The following IQGAP2 variants were observed in gnomAD, a reference collection of about 807,000 sequenced individuals.
IQGAP2 encodes the protein ras GTPase-activating-like protein IQGAP2.
A neutral mutation model predicts 201.3 loss-of-function variants in IQGAP2; 173 were observed. That is an observed-to-expected ratio of 0.86 (90% CI 0.76 to 0.98). The LOEUF (loss-of-function observed/expected upper bound fraction) is 0.98. Among genes scored for constraint, IQGAP2 ranks in the 50% least tolerant of loss-of-function variants. The pLI is 0.00. For missense variants in IQGAP2, 1,687 were observed against 1,864.8 expected (o/e 0.90, Z 1.76); for synonymous variants, 675 against 673.9 (o/e 1.00, Z -0.03).
At chr5:76,580,317 A>G (rs564494796) in intron 5 of IQGAP2, among the ~76,000 whole-genome samples, 18 of 151,778 alleles carry the variant, frequency 1.2e-4, no homozygotes, top group Admixed American at 7.9e-4. Context: ...ACACGCCTGT[A>G]GTCCCAGCTA....
chr5:76,614,008 G>C (rs1433863457), intron 13 of IQGAP2, among the ~76,000 whole-genome samples: 11 of 152,108 alleles, frequency 7.2e-5, no homozygotes, highest in Non-Finnish European at 1.5e-5. Context: ...GTTCTTACTA[G>C]ACGTAGAGTC....
In IQGAP2 at chr5:76,403,513, C is replaced by A; in HGVS notation, c.-33C>A. The A allele has an allele frequency of 1.4e-6, 2 of 1,449,100 alleles. No homozygotes were observed. The highest frequency in any genetic ancestry group is 1.4e-5 in the South Asian group (1 of 73,936). The allele number at this position is 1,449,100 out of a possible 1,614,324, so 89.8% of individuals were successfully genotyped here. On this transcript the variant is annotated 5_prime_UTR_variant, in exon 1 of 36. Transcript: ENST00000274364. This position sits in a 1 kb window ranked among gnomAD's most constrained non-coding sequence, Gnocchi z 4.8. ...GGCCAGCGAGGGTAGCCGCGGGGGGCGCGCCCCGGGCGGGCCCCCGGAGAC... is the reference window on the plus strand; with the variant it reads ...GGCCAGCGAGGGTAGCCGCGGGGGGAGCGCCCCGGGCGGGCCCCCGGAGAC...
At chr5:76,550,921 G>A (rs1421375861) in intron 2 of IQGAP2, among the ~76,000 whole-genome samples, 3 of 151,528 alleles carry the variant, frequency 2.0e-5, no homozygotes, top group Non-Finnish European at 2.9e-5. Flanking sequence ...CTTCCCACAC[G>A]GGGCGGCCAG....
chr5:76,687,930 A>G (rs760954471), intron 30 of IQGAP2, among the ~76,000 whole-genome samples: 1 of 152,158 alleles, frequency 6.6e-6, no homozygotes, highest in Non-Finnish European at 1.5e-5. Context: ...TCTTCCCGAA[A>G]CCATCCCCCA....
At chr5:76,591,897 G>A (rs1580539479) in intron 8 of IQGAP2, among the ~76,000 whole-genome samples, 1 of 152,070 alleles carries the variant, frequency 6.6e-6, no homozygotes, top group Non-Finnish European at 1.5e-5. Flanking sequence ...GACTTCCCTG[G>A]TTCAGAATGA....
chr5:76,523,843 A>G (rs948893161), intron 2 of IQGAP2, among the ~76,000 whole-genome samples: 1 of 152,166 alleles, frequency 6.6e-6, no homozygotes, highest in African/African-American at 2.4e-5. Flanking sequence ...TCAGGATTTT[A>G]GAGAGTTATT....
At chr5:76,703,435 C>T (rs1019401622) in intron 35 of IQGAP2, among the ~76,000 whole-genome samples, 1 of 152,114 alleles carries the variant, frequency 6.6e-6, no homozygotes, top group Non-Finnish European at 1.5e-5. Flanking sequence ...GGATTACAGG[C>T]ATTAGCCACC....
chr5:76,597,718 CT>C, intron 10 of IQGAP2, 116 bp downstream of exon 10: 1 of 1,005,956 alleles, frequency 9.9e-7, no homozygotes, highest in Non-Finnish European at 1.5e-6. Flanking sequence ...TGTACCAGTC[CT>C]GGTCTCACTG....
chr5:76,468,835 T>C (rs2150132942), intron 2 of IQGAP2, among the ~76,000 whole-genome samples: 1 of 152,328 alleles, frequency 6.6e-6, no homozygotes, highest in Non-Finnish European at 1.5e-5. Flanking sequence ...CTTTATCTAG[T>C]CAGACTTACT....
chr5:76,410,920 G>A (rs1405450347), intron 1 of IQGAP2, among the ~76,000 whole-genome samples: 1 of 152,072 alleles, frequency 6.6e-6, no homozygotes, highest in African/African-American at 2.4e-5. Flanking sequence ...TTTTATAATC[G>A]TGTATTGTGT....
chr5:76,464,223 A>G (rs1009400519), intron 2 of IQGAP2, among the ~76,000 whole-genome samples: 7 of 152,210 alleles, frequency 4.6e-5, no homozygotes, highest in African/African-American at 1.7e-4. Flanking sequence ...ACTACTAGAC[A>G]TATAGTTGTG....
chr5:76,441,511 A>G (rs944858021), intron 1 of IQGAP2: 3 of 985,422 alleles, frequency 3.0e-6, no homozygotes, highest in South Asian at 4.7e-5. Context: ...GAAAGCGAGC[A>G]TGTTGGTAAG....
chr5:76,658,048 T>G (rs1259499102), intron 20 of IQGAP2, among the ~76,000 whole-genome samples: 2 of 151,108 alleles, frequency 1.3e-5, no homozygotes, highest in African/African-American at 4.9e-5. Flanking sequence ...ACTTTCTGCT[T>G]CCTGCAGCAA....
Position 76,702,507 on chromosome 5 carries a change from A to G in IQGAP2, c.4531A>G (p.Ile1511Val), listed in dbSNP as rs1381770102. ...NQFKNVTFDI[I>V]ATEDVGIFDV... ...GTTTAAGAATGTTACATTTGATATCATAGCTACTGAAGATGTAGGCATTTT... is the reference window on the plus strand; with the variant it reads ...GTTTAAGAATGTTACATTTGATATCGTAGCTACTGAAGATGTAGGCATTTT... Residue 1511 changes from isoleucine to valine, a missense_variant, in exon 35 of 36, where the codon ATA becomes GTA. Coordinates refer to ENST00000274364, the MANE Select transcript of IQGAP2 (RefSeq NM_006633.5). 17 of 1,569,932 alleles carry G rather than the reference A, an allele frequency of 1.1e-5. No individual in the cohort carries two copies. The highest frequency in any genetic ancestry group is 1.4e-5 in the Non-Finnish European group (16 of 1,139,930).
intron 2 of IQGAP2, chr5:76,510,504 C>A: frequency 2.8e-6 from 1 of 361,430 alleles, no homozygotes; most frequent in South Asian, 2.2e-5. Context: ...GCTGCATCTC[C>A]CGTGGTGCTC....
chr5:76,587,153 T>C (rs1450381607), intron 5 of IQGAP2, among the ~76,000 whole-genome samples: 1 of 152,358 alleles, frequency 6.6e-6, no homozygotes, highest in East Asian at 1.9e-4. Context: ...AGAACAGAGC[T>C]AGAAAGTTAA....
At chr5:76,454,321 A>G (rs1420570258) in intron 1 of IQGAP2, among the ~76,000 whole-genome samples, 2 of 151,914 alleles carry the variant, frequency 1.3e-5, no homozygotes, top group Non-Finnish European at 2.9e-5. Context: ...TTTAAGTTTT[A>G]GGGTACATGT....
At chr5:76,600,071 C>A (rs1245651748) in intron 10 of IQGAP2, among the ~76,000 whole-genome samples, 1 of 152,056 alleles carries the variant, frequency 6.6e-6, no homozygotes, top group Non-Finnish European at 1.5e-5. Flanking sequence ...TCGCTTGAAC[C>A]TGGGAGGCGG....
chr5:76,522,915 CTATT>C (rs1232295595), intron 2 of IQGAP2, among the ~76,000 whole-genome samples: 2 of 152,010 alleles, frequency 1.3e-5, no homozygotes, highest in African/African-American at 4.8e-5. Flanking sequence ...TTTTATGTTT[CTATT>C]TATTTCTGCC....
Sources: gnomAD v4.1 joint callset for allele counts (sites outside exome capture counted in the v4.1 genomes callset) on GRCh38, gnomAD v4.1.1 for gene constraint, Gnocchi (gnomAD v3.1) non-coding constraint, MANE v1.5 for transcripts, NCBI Gene and HGNC (gene_info 2026-07-23, HGNC 2026-07-21) for gene names.